Variants in STAP1 observed in about 807,000 individuals in gnomAD.
STAP1 encodes signal transducing adaptor family member 1.
A neutral mutation model predicts 37.8 loss-of-function variants in STAP1; 30 were observed. The ratio of observed to expected loss-of-function variants is 0.79; its 90% CI spans 0.59 to 1.08. The LOEUF (loss-of-function observed/expected upper bound fraction) is 1.08, where lower values mean the gene tolerates loss of function less well. Ranked by LOEUF, STAP1 falls within the 50% of genes least tolerant of loss-of-function variation. STAP1 has a pLI of 0.00. For synonymous variants in STAP1, 130 were observed against 116.0 expected (o/e 1.12, Z -0.78); for missense variants, 357 against 349.4 (o/e 1.02, Z -0.17).
chr4:67,577,276 T>C lies in STAP1; in HGVS notation c.363+17T>C. ...GTAACAGAGGTAGGAAGCTCACTGC[T>C]TTTGATTGATTCTTTTTTTTTTTCA... On this transcript the variant is annotated intron_variant, in intron 4 of 8. Coordinates refer to ENST00000265404, the MANE Select transcript of STAP1 (RefSeq NM_012108.4). The C allele has an allele frequency of 6.3e-7, 1 of 1,591,208 alleles. No homozygotes were observed. The highest frequency in any genetic ancestry group is 8.5e-7 in the Non-Finnish European group (1 of 1,171,156).
intron 8 of STAP1, among the ~76,000 whole-genome samples, chr4:67,600,382 AT>A (rs200634235): frequency 2.7e-5 from 4 of 150,606 alleles, no homozygotes; most frequent in African/African-American, 4.9e-5. Flanking sequence ...TATTACTTCA[AT>A]TTTTTTTTAA....
chr4:67,573,872 A>T (rs745443256), intron 2 of STAP1, among the ~76,000 whole-genome samples: 1 of 152,146 alleles, frequency 6.6e-6, no homozygotes, highest in Non-Finnish European at 1.5e-5. Context: ...GATAAAAAGA[A>T]CTCAAGAATG....
chr4:67,602,616 C>T (rs1434207155), intron 8 of STAP1, among the ~76,000 whole-genome samples: 1 of 152,144 alleles, frequency 6.6e-6, no homozygotes. Flanking sequence ...AGAGTACTGC[C>T]TTGATGGTCT....
intron 8 of STAP1, among the ~76,000 whole-genome samples, chr4:67,601,186 C>T (rs1421207182): frequency 6.6e-6 from 1 of 151,984 alleles, no homozygotes; most frequent in Non-Finnish European, 1.5e-5. Context: ...ATCTTATAAC[C>T]CATTATCTTA....
In STAP1 at chr4:67,563,962, G is replaced by A. The variant is rs371625617; in HGVS notation, c.120+5033G>A. Among the ~76,000 whole-genome samples, 625 of 149,124 alleles carry A rather than the reference G, an allele frequency of 4.2e-3. 5 individuals are homozygous for A. Among genetic ancestry groups the A allele is most frequent in the African/African-American group, 0.015 (604 of 40,660 alleles). The stretch of plus-strand genomic sequence containing the variant: ...GTTAAAAAAAAAAAAAAAGAAATTT[G>A]TGCTTCATTCCAAAGATATGTCCTT... On this transcript the variant is annotated intron_variant, in intron 1 of 8. Coordinates refer to ENST00000265404, the MANE Select transcript of STAP1 (RefSeq NM_012108.4).
chr4:67,591,299 T>C (rs1728114044), intron 7 of STAP1, among the ~76,000 whole-genome samples: 1 of 152,196 alleles, frequency 6.6e-6, no homozygotes, highest in South Asian at 2.1e-4. Flanking sequence ...CTCTAATACC[T>C]GTCTTGCTGA....
intron 1 of STAP1, among the ~76,000 whole-genome samples, chr4:67,565,704 GGTGTT>G (rs1727450619): frequency 6.6e-6 from 1 of 151,874 alleles, no homozygotes; most frequent in African/African-American, 2.4e-5. Flanking sequence ...AGCAGGAGGT[GGTGTT>G]GTGTTTATGG....
intron 4 of STAP1, among the ~76,000 whole-genome samples, chr4:67,580,817 A>G (rs918431728): frequency 1.3e-5 from 2 of 152,186 alleles, no homozygotes; most frequent in African/African-American, 4.8e-5. Context: ...CACACCACAG[A>G]CGCAAAATTT....
At chr4:67,576,959 T>C (rs1440203928) in intron 3 of STAP1, among the ~76,000 whole-genome samples, 4 of 152,230 alleles carry the variant, frequency 2.6e-5, no homozygotes, top group Non-Finnish European at 5.9e-5. Context: ...TTTTCTAACA[T>C]TTAATTTTTT....
intron 7 of STAP1, among the ~76,000 whole-genome samples, chr4:67,592,400 C>T (rs550548164): frequency 1.3e-3 from 193 of 152,166 alleles, no homozygotes; most frequent in African/African-American, 4.0e-3. Flanking sequence ...ACTCCTAGAC[C>T]GGCAAATTAT....
intron 8 of STAP1, among the ~76,000 whole-genome samples, chr4:67,602,675 T>C (rs918005136): frequency 1.6e-4 from 24 of 152,320 alleles, no homozygotes; most frequent in Non-Finnish European, 3.1e-4. Context: ...GAGACTCTTG[T>C]TCTCTTCCCT....
rs1366754640 is a variant in STAP1, at chr4:67,571,117, A to G, written c.154A>G (p.Thr52Ala). ...GCATTACTGGACAGAGTTGAGAGGA[A>G]CTACTCTTTTCTTTTATACCGACAA... ...YEHYWTELRG[T>A]TLFFYTDKKS... Residue 52 changes from threonine to alanine, a missense_variant, in exon 2 of 9, where the codon ACT becomes GCT. By Grantham distance (58) the Thr-to-Ala change is moderately conservative. Coordinates refer to ENST00000265404, the MANE Select transcript of STAP1 (RefSeq NM_012108.4). 7.4e-6 allele frequency: 12 copies of G among 1,611,630 alleles called. No individual in the cohort carries two copies. The highest frequency in any genetic ancestry group is 1.7e-5 in the Admixed American group (1 of 59,942).
intron 1 of STAP1, among the ~76,000 whole-genome samples, chr4:67,570,438 C>CA (rs1343732029): frequency 2.6e-5 from 4 of 152,136 alleles, no homozygotes; most frequent in Non-Finnish European, 5.9e-5. Context: ...GTTTGTCATC[C>CA]ACCAAAAGAT....
At chr4:67,601,705 T>C (rs973919942) in intron 8 of STAP1, among the ~76,000 whole-genome samples, 1 of 152,206 alleles carries the variant, frequency 6.6e-6, no homozygotes, top group African/African-American at 2.4e-5. Context: ...CACTGAGAAG[T>C]CTGCTGGCAA....
At chr4:67,592,544 G>A (rs1728142013) in intron 7 of STAP1, among the ~76,000 whole-genome samples, 1 of 152,130 alleles carries the variant, frequency 6.6e-6, no homozygotes, top group Non-Finnish European at 1.5e-5. Context: ...GACTGGAAGG[G>A]TAGCAAACCT....
chr4:67,560,257 T>C (rs935293975), intron 1 of STAP1, among the ~76,000 whole-genome samples: 3 of 152,206 alleles, frequency 2.0e-5, no homozygotes, highest in Admixed American at 6.5e-5. Context: ...TTGCCACTTA[T>C]AGCTTGTGAT....
chr4:67,592,231 C>G (rs1313400619), intron 7 of STAP1, among the ~76,000 whole-genome samples: 1 of 151,978 alleles, frequency 6.6e-6, no homozygotes, highest in Non-Finnish European at 1.5e-5. Context: ...TGGGCTCAAG[C>G]GATCCTCCTA....
intron 8 of STAP1, among the ~76,000 whole-genome samples, chr4:67,594,980 G>T (rs891008103): frequency 6.6e-6 from 1 of 152,016 alleles, no homozygotes; most frequent in Non-Finnish European, 1.5e-5. Context: ...TTTTCTTAGT[G>T]GGTGATTTGT....
intron 1 of STAP1, among the ~76,000 whole-genome samples, chr4:67,566,245 G>T (rs1727468686): frequency 1.3e-5 from 2 of 151,878 alleles, no homozygotes. Flanking sequence ...ACCGCGCCTG[G>T]CCCTCTTCCC....
Sources: allele counts gnomAD v4.1 joint callset (sites outside exome capture counted in the v4.1 genomes callset), GRCh38; gene constraint gnomAD v4.1.1; transcripts MANE v1.5; gene names NCBI Gene and HGNC (gene_info 2026-07-23, HGNC 2026-07-21).